The following DIS3L2 variants were observed in gnomAD, a reference collection of about 807,000 sequenced individuals.
The protein encoded by DIS3L2 is DIS3 like 3'-5' exoribonuclease 2, also known as DIS3-like exonuclease 2.
In DIS3L2, 34 loss-of-function variants were observed where a neutral mutation model predicts 97.5. The observed-to-expected ratio is 0.35, with a 90% CI of 0.27 to 0.46. The LOEUF is 0.46. Among genes scored for constraint, DIS3L2 ranks in the 20% least tolerant of loss-of-function variants. The pLI is 1.00. For missense variants in DIS3L2, 1,038 were observed against 1,146.0 expected (o/e 0.91, Z 1.36); for synonymous variants, 435 against 445.2 (o/e 0.98, Z 0.29).
At chr2:232,312,107 A>T (rs145177473) in intron 14 of DIS3L2, among the ~76,000 whole-genome samples, 79 of 152,296 alleles carry the variant, frequency 5.2e-4, no homozygotes, top group African/African-American at 1.8e-3. Context: ...TGTTGCTTAT[A>T]CATGTTGCAA....
intron 9 of DIS3L2, among the ~76,000 whole-genome samples, chr2:232,207,667 G>A (rs970592847): frequency 2.6e-5 from 4 of 152,030 alleles, no homozygotes; most frequent in African/African-American, 9.7e-5. Context: ...AAATGCTCTC[G>A]TTCCCTCCAC....
chr2:232,065,865 A>C (rs1695839938), intron 5 of DIS3L2, among the ~76,000 whole-genome samples: 1 of 151,484 alleles, frequency 6.6e-6, no homozygotes, highest in South Asian at 2.1e-4. Context: ...TCAGTGTATA[A>C]GTTTTGCATA....
At chr2:232,197,830 G>A (rs1368190271) in intron 9 of DIS3L2, among the ~76,000 whole-genome samples, 1 of 151,944 alleles carries the variant, frequency 6.6e-6, no homozygotes, top group Admixed American at 6.6e-5. Flanking sequence ...GCTAGGTGTG[G>A]TGGCACGTGC....
chr2:232,286,000 G>A (rs776613230), intron 13 of DIS3L2, among the ~76,000 whole-genome samples: 2 of 152,206 alleles, frequency 1.3e-5, no homozygotes, highest in Admixed American at 6.5e-5. Flanking sequence ...ATCAGGCCAT[G>A]ATAGAAGCAA....
chr2:232,015,435 G>T (rs1694325213), intron 2 of DIS3L2, 79 bp from the exon 3 acceptor site: 1 of 1,522,182 alleles, frequency 6.6e-7, no homozygotes, highest in Admixed American at 2.1e-5. Flanking sequence ...AATAATAATT[G>T]TAAAAAGGTA....
At chr2:232,058,409 T>C (rs1344388955) in intron 5 of DIS3L2, among the ~76,000 whole-genome samples, 3 of 152,200 alleles carry the variant, frequency 2.0e-5, no homozygotes, top group African/African-American at 7.2e-5. Context: ...GTCATAGATG[T>C]AGTTTGATCT....
At chr2:232,109,102 G>A (rs1697445470) in intron 6 of DIS3L2, among the ~76,000 whole-genome samples, 1 of 152,084 alleles carries the variant, frequency 6.6e-6, no homozygotes, top group Non-Finnish European at 1.5e-5. Context: ...TAGCCAAGGC[G>A]ATCCCAAGCA....
chr2:232,019,402 G>C (rs187181826), intron 3 of DIS3L2, among the ~76,000 whole-genome samples: 1 of 152,000 alleles, frequency 6.6e-6, no homozygotes, highest in East Asian at 1.9e-4. Context: ...ATAAAAATCA[G>C]CCAGGCATGG....
intron 1 of DIS3L2, among the ~76,000 whole-genome samples, chr2:231,991,975 G>A (rs1226269343): frequency 2.0e-5 from 3 of 152,120 alleles, no homozygotes; most frequent in Non-Finnish European, 4.4e-5. Flanking sequence ...AACACTTCAC[G>A]TGCTAAATGA....
chr2:231,972,646 C>T (rs541617981), intron 1 of DIS3L2, among the ~76,000 whole-genome samples: 9 of 152,132 alleles, frequency 5.9e-5, no homozygotes, highest in Non-Finnish European at 1.2e-4. Flanking sequence ...TGGGTTCAAG[C>T]GATTCTCCTG....
chr2:232,306,769 G>A (rs1314841075), intron 14 of DIS3L2, among the ~76,000 whole-genome samples: 2 of 152,218 alleles, frequency 1.3e-5, no homozygotes, highest in Admixed American at 6.5e-5. Flanking sequence ...GGAAGGGACT[G>A]GGCACTCCTC....
intron 1 of DIS3L2, among the ~76,000 whole-genome samples, chr2:231,994,522 A>G (rs1291435890): frequency 6.6e-6 from 1 of 152,126 alleles, no homozygotes; most frequent in Non-Finnish European, 1.5e-5. Flanking sequence ...TTACCACTTT[A>G]GGTGGAACAT....
intron 14 of DIS3L2, among the ~76,000 whole-genome samples, chr2:232,323,705 GGAGGA>G (rs1238691499): frequency 6.6e-6 from 1 of 152,192 alleles, no homozygotes; most frequent in African/African-American, 2.4e-5. Flanking sequence ...AGTGCGCGCA[GGAGGA>G]GAGGGGTCAG....
chr2:232,329,785 T>TGCCCGGGGGGGGGGC, intron 14 of DIS3L2, 28 bp from the exon 15 acceptor site: 10 of 967,138 alleles, frequency 1.0e-5, no homozygotes, highest in Non-Finnish European at 1.2e-5. Context: ...ACCCCAGCGG[T>TGCCCGGGGGGGGGGC]CCCTCCCATC....
intron 1 of DIS3L2, among the ~76,000 whole-genome samples, chr2:231,994,793 CT>C (rs892648060): frequency 6.7e-6 from 1 of 149,190 alleles, no homozygotes; most frequent in Middle Eastern, 3.5e-3. Context: ...TTTTTCTTTT[CT>C]TTTTTTCTTT....
In DIS3L2 at chr2:231,965,424, A is replaced by G. The variant is rs144172564; in HGVS notation, c.-94+3659A>G. 3.6e-3 allele frequency among the ~76,000 whole-genome samples: 539 copies of G among 150,652 alleles called. 3 individuals carry two copies. The highest frequency in any genetic ancestry group is 0.012 in the African/African-American group (494 of 41,096). On this transcript the variant is annotated intron_variant, in intron 1 of 20. Transcript: ENST00000325385. ...CCTTGAGACATTGAAGGCCAGAGCAATTTATGTAGACATCTGAATTGACTT... is the reference window on the plus strand; with the variant it reads ...CCTTGAGACATTGAAGGCCAGAGCAGTTTATGTAGACATCTGAATTGACTT...
At chr2:232,205,211 C>CATATATATATATATATATATATATAT (rs57163508) in intron 9 of DIS3L2, among the ~76,000 whole-genome samples, 2 of 140,556 alleles carry the variant, frequency 1.4e-5, no homozygotes, top group African/African-American at 2.7e-5. Context: ...AGGCAGTTTA[C>CATATATATATATATATATATATATAT]ATATATATAT....
At chr2:232,208,255 C>T (rs1323290219) in intron 9 of DIS3L2, among the ~76,000 whole-genome samples, 1 of 151,876 alleles carries the variant, frequency 6.6e-6, no homozygotes, top group Admixed American at 6.6e-5. Flanking sequence ...CATTCCGTTC[C>T]GTTCCTCTCC....
chr2:231,976,671 C>G (rs887142923), intron 1 of DIS3L2, among the ~76,000 whole-genome samples: 1 of 151,644 alleles, frequency 6.6e-6, no homozygotes, highest in Non-Finnish European at 1.5e-5. Flanking sequence ...TTGTAATACA[C>G]CTACTGAACA....
Sources: allele counts gnomAD v4.1 joint callset (sites outside exome capture counted in the v4.1 genomes callset), GRCh38; gene constraint gnomAD v4.1.1; transcripts MANE v1.5; gene names NCBI Gene and HGNC (gene_info 2026-07-23, HGNC 2026-07-21).